Variants in FER observed in about 807,000 individuals in gnomAD.
The protein encoded by FER is tyrosine-protein kinase Fer.
A neutral mutation model predicts 111.0 loss-of-function variants in FER; 63 were observed. The ratio of observed to expected loss-of-function variants is 0.57; its 90% confidence interval spans 0.46 to 0.70. The LOEUF is 0.70. Ranked by LOEUF, FER falls within the 30% of genes least tolerant of loss-of-function variation. The pLI is 0.00. For missense variants in FER, 914 were observed against 954.0 expected (o/e 0.96, Z 0.55); for synonymous variants, 327 against 313.9 (o/e 1.04, Z -0.44).
intron 18 of FER, among the ~76,000 whole-genome samples, chr5:109,185,760 G>A (rs1040267160): frequency 7.9e-5 from 12 of 152,222 alleles, no homozygotes; most frequent in Admixed American, 6.5e-5. Flanking sequence ...ACTGCATGTC[G>A]AACTCATTTG....
chr5:108,815,145 C>T lies in FER; in HGVS notation c.207+16756C>T, dbSNP rs201050217. On this transcript the variant is annotated intron_variant, in intron 3 of 19. Coordinates refer to ENST00000281092, the MANE Select transcript of FER (RefSeq NM_005246.4). ...ACTATATATGGAATTTTAGGTTTCA[C>T]AGTATTTGCAATTACAAATAATGCT... is the stretch of plus-strand genomic sequence containing the variant. Among the ~76,000 whole-genome samples, 20 of 152,162 alleles carry T rather than the reference C, an allele frequency of 1.3e-4. No homozygotes were observed. In the East Asian group the frequency reaches 3.9e-3, roughly 29 times the overall value.
At chr5:108,998,473 C>A (rs1278590229) in intron 13 of FER, among the ~76,000 whole-genome samples, 1 of 152,154 alleles carries the variant, frequency 6.6e-6, no homozygotes, top group East Asian at 1.9e-4. Flanking sequence ...CCTCCATTGG[C>A]CGCACCCACT....
At chr5:108,892,487 A>G (rs1185226431) in intron 9 of FER, among the ~76,000 whole-genome samples, 3 of 152,012 alleles carry the variant, frequency 2.0e-5, no homozygotes, top group Non-Finnish European at 4.4e-5. Context: ...GTCTGTTCAT[A>G]TCCTTCACCC....
chr5:109,087,734 C>A (rs1366909318), intron 16 of FER, among the ~76,000 whole-genome samples: 1 of 151,314 alleles, frequency 6.6e-6, no homozygotes, highest in Non-Finnish European at 1.5e-5. Flanking sequence ...TATTTTGCCT[C>A]AATGTATGGA....
intron 13 of FER, among the ~76,000 whole-genome samples, chr5:108,992,661 C>T (rs1405386934): frequency 4.1e-5 from 6 of 145,544 alleles, no homozygotes; most frequent in Non-Finnish European, 9.2e-5. Context: ...CCGGACGGGG[C>T]GGCTGGCCTG....
intron 13 of FER, among the ~76,000 whole-genome samples, chr5:108,962,619 A>G (rs1297137298): frequency 6.6e-6 from 1 of 152,222 alleles, no homozygotes; most frequent in Non-Finnish European, 1.5e-5. Flanking sequence ...AACATTCAAT[A>G]AATATTTGTT....
chr5:108,850,812 T>C (rs1762477069), intron 5 of FER, among the ~76,000 whole-genome samples: 1 of 152,168 alleles, frequency 6.6e-6, no homozygotes, highest in African/African-American at 2.4e-5. Flanking sequence ...TGTTAGATAG[T>C]TTCTCTGGAA....
intron 17 of FER, among the ~76,000 whole-genome samples, chr5:109,175,747 A>C (rs1345699886): frequency 1.3e-5 from 2 of 152,200 alleles, no homozygotes; most frequent in African/African-American, 4.8e-5. Context: ...CAAACAGCTC[A>C]ACACTAATCA....
chr5:108,924,506 C>G, intron 10 of FER: 1 of 843,898 alleles, frequency 1.2e-6, no homozygotes, highest in Non-Finnish European at 1.6e-6. Flanking sequence ...CCAGAACTGA[C>G]TAGTATACTT....
At chr5:109,058,640 T>C (rs570906893) in intron 16 of FER, among the ~76,000 whole-genome samples, 1 of 151,036 alleles carries the variant, frequency 6.6e-6, no homozygotes, top group South Asian at 2.1e-4. Context: ...CTTTCTAATA[T>C]TATCATGAAA....
chr5:109,012,781 G>A (rs1766462626), intron 13 of FER, among the ~76,000 whole-genome samples: 1 of 151,940 alleles, frequency 6.6e-6, no homozygotes, highest in South Asian at 2.1e-4. Flanking sequence ...TTTGGCTTTT[G>A]CCAAAATGGA....
chr5:109,101,927 C>T (rs62375531), intron 17 of FER, among the ~76,000 whole-genome samples: 2 of 152,014 alleles, frequency 1.3e-5, no homozygotes, highest in Non-Finnish European at 2.9e-5. Context: ...ACCATTAGAC[C>T]GCCTGTGGGC....
intron 5 of FER, among the ~76,000 whole-genome samples, chr5:108,841,329 C>T (rs1041723676): frequency 1.2e-4 from 18 of 152,066 alleles, no homozygotes; most frequent in African/African-American, 3.6e-4. Flanking sequence ...GGTTAAATTC[C>T]GAACACCTTT....
intron 10 of FER, among the ~76,000 whole-genome samples, chr5:108,905,922 G>C (rs1487409595): frequency 1.3e-5 from 2 of 152,034 alleles, no homozygotes; most frequent in African/African-American, 4.8e-5. Context: ...ATTCTAACAG[G>C]GTGAAAAAAT....
At chr5:109,000,689 C>A (rs1764650458) in intron 13 of FER, among the ~76,000 whole-genome samples, 2 of 151,898 alleles carry the variant, frequency 1.3e-5, no homozygotes, top group South Asian at 4.2e-4. Flanking sequence ...CACAAAAAAC[C>A]CTTCAAAAAC....
chr5:108,872,426 A>G lies in FER; in HGVS notation c.923+214A>G, dbSNP rs575929910. On this transcript the variant is annotated intron_variant, in intron 8 of 19. Transcript: ENST00000281092. ...CAAAGTTCTGTGTGATGTTACATTC[A>G]TTTGCCCAATTGTTGCTAGTATTTG... is the stretch of plus-strand genomic sequence containing the variant. Among the ~76,000 whole-genome samples the G allele has an allele frequency of 3.3e-5, 5 of 152,186 alleles. No homozygotes were observed. The East Asian group carries it at 9.6e-4, about 29-fold the overall frequency.
chr5:108,841,880 G>T, intron 5 of FER: 1 of 386,504 alleles, frequency 2.6e-6, no homozygotes, highest in Non-Finnish European at 5.1e-6. Flanking sequence ...TAAGTACCTG[G>T]GATTTGTAAG....
chr5:109,084,110 A>G (rs747694650), intron 16 of FER, among the ~76,000 whole-genome samples: 1 of 152,142 alleles, frequency 6.6e-6, no homozygotes, highest in East Asian at 1.9e-4. Context: ...ATAGGACATG[A>G]CTATTGAATC....
At chr5:108,807,210 C>T (rs1314281591) in intron 3 of FER, among the ~76,000 whole-genome samples, 3 of 152,306 alleles carry the variant, frequency 2.0e-5, no homozygotes, top group East Asian at 3.9e-4. Context: ...TCTCCTTGCC[C>T]TCCACTATGT....
Sources: gnomAD v4.1 joint callset for allele counts (sites outside exome capture counted in the v4.1 genomes callset) on GRCh38, gnomAD v4.1.1 for gene constraint, MANE v1.5 for transcripts, NCBI Gene and HGNC (gene_info 2026-07-23, HGNC 2026-07-21) for gene names.